TRIM32: variants seen among roughly 807,000 people sequenced by gnomAD.
The protein encoded by TRIM32 is E3 ubiquitin-protein ligase TRIM32.
TRIM32 carries 19 observed loss-of-function variants against 36.0 expected under a neutral mutation model. That is an observed-to-expected ratio of 0.53 (90% CI 0.37 to 0.77). The LOEUF is 0.77. TRIM32 is among the 30% of genes least tolerant of loss of function. The pLI, the probability that TRIM32 is intolerant of heterozygous loss-of-function variation, is 0.00. For missense variants in TRIM32, 747 were observed against 845.2 expected (o/e 0.88, Z 1.44); for synonymous variants, 309 against 318.5 (o/e 0.97, Z 0.32).
chr9:116,690,031 G>T (rs1360642584), intron 1 of TRIM32, among the ~76,000 whole-genome samples: 2 of 152,140 alleles, frequency 1.3e-5, no homozygotes, highest in Non-Finnish European at 2.9e-5. Context: ...GCTGAAGCCA[G>T]TTCAGAAACA....
intron 1 of TRIM32, among the ~76,000 whole-genome samples, chr9:116,692,793 C>T (rs1419950475): frequency 6.6e-6 from 1 of 152,058 alleles, no homozygotes; most frequent in East Asian, 1.9e-4. Context: ...CCCCTTTTGC[C>T]CAGGCTGAAG....
rs867516751 is a variant in TRIM32, at chr9:116,698,772, C to T, written c.1030C>T (p.Arg344Trp). The T allele has an allele frequency of 5.6e-6, 9 of 1,614,034 alleles. No homozygotes were observed. In the East Asian group the frequency reaches 1.1e-4, roughly 20 times the overall value. ...ASPRASPAKQ[R>W]GPEAASNIQQ... ...CCCTAGGGCCTCACCTGCTAAACAG[C>T]GGGGTCCTGAGGCAGCCTCCAATAT... Residue 344 changes from arginine (R) to tryptophan (W), a missense_variant, in exon 2 of 2, where the codon CGG becomes TGG. Transcript: ENST00000450136. The surrounding 1 kb of genome is among the most constrained non-coding windows in gnomAD (Gnocchi z 4.4).
intron 1 of TRIM32, among the ~76,000 whole-genome samples, chr9:116,694,141 G>A (rs1860712920): frequency 6.6e-6 from 1 of 152,162 alleles, no homozygotes; most frequent in Admixed American, 6.6e-5. Context: ...GGGGATGTGG[G>A]CATAGTAAAT....
At chr9:116,692,349 A>G (rs943629376) in intron 1 of TRIM32, among the ~76,000 whole-genome samples, 1 of 152,168 alleles carries the variant, frequency 6.6e-6, no homozygotes, top group Non-Finnish European at 1.5e-5. Flanking sequence ...GTGCCTATTC[A>G]TTTCTTCTAA....
intron 1 of TRIM32, among the ~76,000 whole-genome samples, chr9:116,688,622 C>T (rs1860398570): frequency 6.7e-6 from 1 of 149,820 alleles, no homozygotes; most frequent in Non-Finnish European, 1.5e-5. Context: ...CCACTAACTC[C>T]ATTCTGACCA....
intron 1 of TRIM32, chr9:116,697,434 G>GT (rs1428941048): frequency 5.4e-6 from 2 of 371,074 alleles, no homozygotes; most frequent in African/African-American, 4.1e-5. Flanking sequence ...ATGCAGCTAA[G>GT]TAAGTGTCTG....
Position 116,699,059 on chromosome 9 carries a change from G to C in TRIM32, c.1317G>C (p.Gln439His). 6.2e-7 allele frequency: 1 copy of C among 1,614,182 alleles called. No homozygotes were observed. Among genetic ancestry groups the C allele is most frequent in the Non-Finnish European group, 8.5e-7 (1 of 1,180,008 alleles). The part of the protein sequence containing the change: ...LTPLSVAMNC[Q>H]GLIGVTDSYD... Reference sequence around the variant, plus strand: ...CTCTCTCAGTGGCAATGAACTGCCAGGGGCTGATTGGTGTGACTGACAGCT... The same window carrying C: ...CTCTCTCAGTGGCAATGAACTGCCACGGGCTGATTGGTGTGACTGACAGCT... The change falls in exon 2 of 2, where the codon CAG becomes CAC. Residue 439 changes from glutamine to histidine, a missense_variant. Gln to His is a conservative substitution (Grantham distance 24). Coordinates refer to ENST00000450136, the MANE Select transcript of TRIM32 (RefSeq NM_012210.4). This position sits in a 1 kb window ranked among gnomAD's most constrained non-coding sequence, Gnocchi z 4.2.
chr9:116,696,824 C>T (rs750550251), intron 1 of TRIM32, among the ~76,000 whole-genome samples: 7 of 151,820 alleles, frequency 4.6e-5, no homozygotes, highest in Non-Finnish European at 8.8e-5. Context: ...AGGATAGATG[C>T]GTGGAAAATG....
In TRIM32 at chr9:116,698,748, C is replaced by A. The variant is rs1861018684; in HGVS notation, c.1006C>A (p.Pro336Thr). The A allele has an allele frequency of 6.2e-7, 1 of 1,614,156 alleles. No homozygotes were observed. Among genetic ancestry groups the A allele is most frequent in the African/African-American group, 1.3e-5 (1 of 75,036 alleles). Residue 336 changes from proline (P) to threonine (T), a missense_variant, in exon 2 of 2, where the codon CCT (proline) becomes ACT (threonine). By Grantham distance (38) the Pro-to-Thr change is conservative. Transcript: ENST00000450136. The surrounding 1 kb of genome is among the most constrained non-coding windows in gnomAD (Gnocchi z 4.4). Reference protein sequence around the residue: ...DMSPEEVVASPRASPAKQRGP... With the variant: ...DMSPEEVVASTRASPAKQRGP... ...GAGCCCGGAGGAAGTGGTTGCCAGCCCTAGGGCCTCACCTGCTAAACAGCG... is the reference window on the plus strand; with the variant it reads ...GAGCCCGGAGGAAGTGGTTGCCAGCACTAGGGCCTCACCTGCTAAACAGCG...
At chr9:116,688,993 G>C (rs1056539477) in intron 1 of TRIM32, among the ~76,000 whole-genome samples, 2 of 152,138 alleles carry the variant, frequency 1.3e-5, no homozygotes, top group Admixed American at 6.5e-5. Context: ...GCAATGTCTG[G>C]AGATGTTTTT....
At position 116,700,395 on chromosome 9, in the gene TRIM32, G is replaced by T; in HGVS notation, c.*691G>T. On this transcript the variant is annotated 3_prime_UTR_variant, in exon 2 of 2. Coordinates refer to ENST00000450136, the MANE Select transcript of TRIM32 (RefSeq NM_012210.4). ...TAGTTGGTTGGTATTGATGACTTCA[G>T]CCTGGAAATTGCTTGCCTTTTAAAG... The T allele has an allele frequency of 1.2e-5, 2 of 167,314 alleles. No homozygotes were observed. 10.4% of individuals were successfully genotyped at this position (167,314 alleles called of 1,614,324 possible).
rs1322512470 is a variant in TRIM32, at chr9:116,698,871, C to A, written c.1129C>A (p.Leu377Ile). 1 of 1,614,114 alleles carries A rather than the reference C, an allele frequency of 6.2e-7. No homozygotes were observed. The highest frequency in any genetic ancestry group is 1.3e-5 in the African/African-American group (1 of 74,944). Residue 377 changes from leucine to isoleucine, a missense_variant, in exon 2 of 2, where the codon CTC (leucine) becomes ATC (isoleucine). Coordinates refer to ENST00000450136, the MANE Select transcript of TRIM32 (RefSeq NM_012210.4). The surrounding 1 kb of genome is among the most constrained non-coding windows in gnomAD (Gnocchi z 4.4). Reference sequence around the variant, plus strand: ...AGGAATGTTCAATCTTCCAGTCAGTCTCTACGTGACCAGTCAAGGTGAAGT... The same window carrying A: ...AGGAATGTTCAATCTTCCAGTCAGTATCTACGTGACCAGTCAAGGTGAAGT... ...TPGMFNLPVS[L>I]YVTSQGEVLV... is the part of the protein sequence containing the mutation.
In TRIM32 at chr9:116,698,376, G is replaced by A; in HGVS notation, c.634G>A (p.Glu212Lys). 6.2e-7 allele frequency: 1 copy of A among 1,614,158 alleles called. No homozygotes were observed. The highest frequency in any genetic ancestry group is 2.2e-5 in the East Asian group (1 of 44,886). ...GAAGTTCTTCACAGGCTCTTTGGCTGAAGTTGAGAAGTCCAATAGTCAAGT... is the reference window on the plus strand; with the variant it reads ...GAAGTTCTTCACAGGCTCTTTGGCTAAAGTTGAGAAGTCCAATAGTCAAGT... ...SRKFFTGSLA[E>K]VEKSNSQVVE... Residue 212 changes from glutamate to lysine, a missense_variant, in exon 2 of 2, where the codon GAA becomes AAA. Transcript: ENST00000450136. This position sits in a 1 kb window ranked among gnomAD's most constrained non-coding sequence, Gnocchi z 4.4.
Position 116,697,898 on chromosome 9 carries a change from G to A in TRIM32, c.156G>A (p.Leu52=). The A allele has an allele frequency of 6.2e-7, 1 of 1,614,196 alleles. No individual in the cohort carries two copies. Among genetic ancestry groups the A allele is most frequent in the Non-Finnish European group, 8.5e-7 (1 of 1,180,042 alleles). Residue 52 remains leucine (L), a synonymous_variant, in exon 2 of 2, where the codon TTG becomes TTA. Coordinates refer to ENST00000450136, the MANE Select transcript of TRIM32 (RefSeq NM_012210.4). Reference sequence around the variant, plus strand: ...GCCGCCAGTGCCTGGAGAAGCTATTGGCCAGTAGCATCAATGGTGTCCGCT... The same window carrying A: ...GCCGCCAGTGCCTGGAGAAGCTATTAGCCAGTAGCATCAATGGTGTCCGCT... ...TICRQCLEKL[L]ASSINGVRCP...
intron 1 of TRIM32, among the ~76,000 whole-genome samples, chr9:116,695,654 A>G (rs903066177): frequency 6.6e-6 from 1 of 152,180 alleles, no homozygotes; most frequent in Non-Finnish European, 1.5e-5. Flanking sequence ...GACTGCACAG[A>G]TACAGCTGTA....
At chr9:116,694,128 T>C (rs1405363052) in intron 1 of TRIM32, among the ~76,000 whole-genome samples, 1 of 152,136 alleles carries the variant, frequency 6.6e-6, no homozygotes, top group Non-Finnish European at 1.5e-5. Flanking sequence ...GCTGAGATAA[T>C]TTGGGGATGT....
intron 1 of TRIM32, among the ~76,000 whole-genome samples, chr9:116,688,563 C>G (rs1241285139): frequency 6.6e-6 from 1 of 152,098 alleles, no homozygotes; most frequent in East Asian, 1.9e-4. Flanking sequence ...GCAGAATCTT[C>G]TTCATTTATT....
At chr9:116,692,864 G>C (rs937855971) in intron 1 of TRIM32, among the ~76,000 whole-genome samples, 2 of 152,112 alleles carry the variant, frequency 1.3e-5, no homozygotes, top group Non-Finnish European at 2.9e-5. Context: ...TAAGGAGATT[G>C]CTACGAATTC....
At chr9:116,689,280 C>A (rs568240672) in intron 1 of TRIM32, among the ~76,000 whole-genome samples, 73 of 152,142 alleles carry the variant, frequency 4.8e-4, no homozygotes, top group Non-Finnish European at 9.7e-4. Context: ...TACTTAACCA[C>A]CCAGTGCCTT....
Sources: allele counts gnomAD v4.1 joint callset (sites outside exome capture counted in the v4.1 genomes callset), GRCh38; gene constraint gnomAD v4.1.1; non-coding constraint Gnocchi (gnomAD v3.1); transcripts MANE v1.5; gene names NCBI Gene and HGNC (gene_info 2026-07-23, HGNC 2026-07-21).